MIPOL1: variants seen among roughly 807,000 people sequenced by gnomAD.
MIPOL1 encodes mirror-image polydactyly gene 1 protein.
A neutral mutation model predicts 60.9 loss-of-function variants in MIPOL1; 57 were observed. The observed-to-expected ratio is 0.94, with a 90% CI of 0.76 to 1.17. The LOEUF (loss-of-function observed/expected upper bound fraction) is 1.17, where lower values mean the gene tolerates loss of function less well. Ranked by LOEUF, MIPOL1 falls within the 50% of genes most tolerant of loss-of-function variation. The pLI is 0.00. For synonymous variants in MIPOL1, 179 were observed against 168.8 expected, an observed-to-expected ratio of 1.06 and a Z score of -0.47; for missense variants, 551 against 511.6, an observed-to-expected ratio of 1.08 and a Z score of -0.74.
At chr14:37,200,064 C>T (rs937706444) in intron 1 of MIPOL1, among the ~76,000 whole-genome samples, 2 of 152,150 alleles carry the variant, frequency 1.3e-5, no homozygotes, top group African/African-American at 4.8e-5. Flanking sequence ...CCATAATTTC[C>T]CTAATGACTG....
chr14:37,218,970 A>G (rs1968274431), intron 1 of MIPOL1, among the ~76,000 whole-genome samples: 1 of 151,890 alleles, frequency 6.6e-6, no homozygotes, highest in African/African-American at 2.4e-5. Flanking sequence ...GCTAGGTAAT[A>G]TTAATAGTAA....
At position 37,440,636 on chromosome 14, in the gene MIPOL1, A is replaced by G. The variant is rs191440622; in HGVS notation, c.1031+17687A>G. On this transcript the variant is annotated intron_variant, in intron 11 of 12. Coordinates refer to ENST00000684589, the MANE Select transcript of MIPOL1 (RefSeq NM_001388067.1). Reference sequence around the variant, plus strand: ...CTTTTTTATAGCTGAGTAGTATTCTATTGTGTATATATGCCCTATTTTCTT... The same window carrying G: ...CTTTTTTATAGCTGAGTAGTATTCTGTTGTGTATATATGCCCTATTTTCTT... 1.2e-4 allele frequency among the ~76,000 whole-genome samples: 19 copies of G among 152,260 alleles called. 1 individual carries two copies. Among genetic ancestry groups the G allele is most frequent in the Middle Eastern group, 3.4e-3 (1 of 292 alleles).
intron 11 of MIPOL1, among the ~76,000 whole-genome samples, chr14:37,426,979 A>T (rs753879325): frequency 7.9e-5 from 12 of 152,084 alleles, no homozygotes; most frequent in Non-Finnish European, 1.0e-4. Context: ...ATGTAAATTG[A>T]TGCAGTCACT....
At chr14:37,459,348 T>TA (rs1214904270) in intron 11 of MIPOL1, among the ~76,000 whole-genome samples, 1 of 151,978 alleles carries the variant, frequency 6.6e-6, no homozygotes, top group Non-Finnish European at 1.5e-5. Flanking sequence ...ATACAACTGA[T>TA]ATCAAAAAAG....
intron 3 of MIPOL1, among the ~76,000 whole-genome samples, chr14:37,265,647 G>A (rs952237701): frequency 2.0e-5 from 3 of 151,824 alleles, no homozygotes; most frequent in Admixed American, 6.6e-5. Context: ...CAAAATAGTT[G>A]GTCAAAAAAA....
intron 7 of MIPOL1, among the ~76,000 whole-genome samples, chr14:37,303,241 C>T (rs2086475703): frequency 6.6e-6 from 1 of 151,836 alleles, no homozygotes; most frequent in Admixed American, 6.6e-5. Context: ...TGGCCAAAGA[C>T]TCAAAGTCAG....
chr14:37,348,826 TTG>T (rs1446260284), intron 9 of MIPOL1, among the ~76,000 whole-genome samples: 6 of 51,970 alleles, frequency 1.2e-4, no homozygotes, highest in Non-Finnish European at 1.7e-4. Context: ...TTTCCTTTTT[TTG>T]TTTTTTTTTT....
At chr14:37,434,846 A>G (rs961770621) in intron 11 of MIPOL1, among the ~76,000 whole-genome samples, 18 of 134,588 alleles carry the variant, frequency 1.3e-4, no homozygotes, top group Non-Finnish European at 1.6e-5. Context: ...CATGTTAATC[A>G]CAGCAAAAAA....
At chr14:37,248,035 ACATGCACACAGAGACC>A (rs371984577) in intron 3 of MIPOL1, 128 bp downstream of exon 3, 11,462 of 796,418 alleles carry the variant, frequency 0.014, 128 homozygotes, top group Admixed American at 0.029. Context: ...CACACACAAA[ACATGCACACAGAGACC>A]CAGGGATTAT....
chr14:37,547,169 T>A lies in MIPOL1; in HGVS notation c.*198T>A, dbSNP rs1200376780. Reference sequence around the variant, plus strand: ...TGCTGACTTGAGTTATTTATCCAAATATATTAACTATAGACTTTTACCAAT... The same window carrying A: ...TGCTGACTTGAGTTATTTATCCAAAAATATTAACTATAGACTTTTACCAAT... On this transcript the variant is annotated 3_prime_UTR_variant, in exon 13 of 13. Transcript: ENST00000684589. 1 of 548,122 alleles carries A rather than the reference T, an allele frequency of 1.8e-6. No individual in the cohort carries two copies. The highest frequency in any genetic ancestry group is 3.2e-6 in the Non-Finnish European group (1 of 308,302). The allele number at this position is 548,122 out of a possible 1,614,324, so 34.0% of individuals were successfully genotyped here.
chr14:37,371,003 T>C (rs1359867174), intron 10 of MIPOL1, among the ~76,000 whole-genome samples: 2 of 152,154 alleles, frequency 1.3e-5, no homozygotes, highest in African/African-American at 4.8e-5. Context: ...AAAATTCTAG[T>C]TTGTTAAGTA....
chr14:37,426,590 T>C (rs1005408198), intron 11 of MIPOL1, among the ~76,000 whole-genome samples: 1 of 138,550 alleles, frequency 7.2e-6, no homozygotes, highest in Non-Finnish European at 1.5e-5. Context: ...TATATATATA[T>C]ATATACACAC....
intron 12 of MIPOL1, among the ~76,000 whole-genome samples, chr14:37,512,543 G>T (rs1424462392): frequency 2.0e-5 from 3 of 149,672 alleles, no homozygotes; most frequent in Non-Finnish European, 4.4e-5. Context: ...TTTGTTGCTG[G>T]CTCCAGAATC....
At chr14:37,317,958 T>G (rs138702234) in intron 9 of MIPOL1, among the ~76,000 whole-genome samples, 6 of 152,180 alleles carry the variant, frequency 3.9e-5, no homozygotes, top group Non-Finnish European at 8.8e-5. Flanking sequence ...TTGTAACAAG[T>G]ATAGAAATTA....
chr14:37,261,695 T>G (rs2082528746), intron 3 of MIPOL1, among the ~76,000 whole-genome samples: 1 of 152,154 alleles, frequency 6.6e-6, no homozygotes. Context: ...GTAGCTAATA[T>G]TTATTGTATA....
intron 9 of MIPOL1, among the ~76,000 whole-genome samples, chr14:37,325,335 C>A: frequency 6.6e-6 from 1 of 152,030 alleles, no homozygotes; most frequent in East Asian, 1.9e-4. Flanking sequence ...CAATTTCCTT[C>A]AAAGAAATTA....
intron 1 of MIPOL1, among the ~76,000 whole-genome samples, chr14:37,239,220 T>C (rs1259795148): frequency 2.6e-5 from 4 of 151,960 alleles, no homozygotes; most frequent in African/African-American, 9.6e-5. Flanking sequence ...TAATTTTTTG[T>C]ATTTTTAGTA....
chr14:37,304,101 T>C (rs1340809043), intron 7 of MIPOL1, among the ~76,000 whole-genome samples: 2 of 151,822 alleles, frequency 1.3e-5, no homozygotes, highest in Non-Finnish European at 2.9e-5. Context: ...TTTGCTTGAC[T>C]GAAAGGTATA....
At chr14:37,431,569 CTTTTTTTTTTTTTTTT>C (rs869258490) in intron 11 of MIPOL1, among the ~76,000 whole-genome samples, 2 of 64,832 alleles carry the variant, frequency 3.1e-5, no homozygotes, top group South Asian at 1.5e-3. Context: ...ATCTCTGTTT[CTTTTTTTTTTTTTTTT>C]TTTTTTTTTT....
Sources: allele counts gnomAD v4.1 joint callset (sites outside exome capture counted in the v4.1 genomes callset), GRCh38; gene constraint gnomAD v4.1.1; transcripts MANE v1.5; gene names NCBI Gene and HGNC (gene_info 2026-07-23, HGNC 2026-07-21).